UST: variants seen among roughly 807,000 people sequenced by gnomAD.
The protein encoded by UST is uronyl 2-sulfotransferase, also known as chondroitin sulfate 2-O-sulfotransferase.
In UST, 21 loss-of-function variants were observed where a neutral mutation model predicts 45.6. The observed-to-expected ratio is 0.46, with a 90% CI of 0.33 to 0.66. The LOEUF is 0.66. UST is among the 30% of genes least tolerant of loss of function. The probability of loss-of-function intolerance (pLI) is 0.02; values close to 1 mark genes in which losing one functional copy is unlikely to be tolerated. For missense variants in UST, 463 were observed against 512.4 expected (o/e 0.90, Z 0.93); for synonymous variants, 215 against 200.6 (o/e 1.07, Z -0.61).
At chr6:149,023,369 C>A (rs1023006403) in intron 7 of UST, among the ~76,000 whole-genome samples, 2 of 152,078 alleles carry the variant, frequency 1.3e-5, no homozygotes, top group African/African-American at 2.4e-5. Flanking sequence ...CCAAGAGCCA[C>A]GTGTGTGAGC....
At chr6:149,041,149 G>A (rs1416900632) in intron 7 of UST, among the ~76,000 whole-genome samples, 1 of 152,212 alleles carries the variant, frequency 6.6e-6, no homozygotes, top group Non-Finnish European at 1.5e-5. Flanking sequence ...CTTACTGTGG[G>A]CCAGACAGCA....
chr6:148,794,016 G>A (rs1019659056), intron 1 of UST, among the ~76,000 whole-genome samples: 23 of 152,174 alleles, frequency 1.5e-4, no homozygotes, highest in African/African-American at 5.3e-4. Flanking sequence ...GATTTGTATG[G>A]TATGTTTCTG....
At chr6:148,925,417 C>A (rs1007631064) in intron 2 of UST, among the ~76,000 whole-genome samples, 1 of 150,724 alleles carries the variant, frequency 6.6e-6, no homozygotes, top group African/African-American at 2.5e-5. Flanking sequence ...TTGCAACTCA[C>A]AATGACTTTT....
At chr6:148,818,406 A>G (rs1777395173) in intron 1 of UST, among the ~76,000 whole-genome samples, 1 of 152,232 alleles carries the variant, frequency 6.6e-6, no homozygotes, top group South Asian at 2.1e-4. Flanking sequence ...AACCTAGAGA[A>G]GGGGGTAAAA....
At chr6:148,884,952 G>A (rs1054791795) in intron 1 of UST, among the ~76,000 whole-genome samples, 1 of 152,104 alleles carries the variant, frequency 6.6e-6, no homozygotes, top group Non-Finnish European at 1.5e-5. Context: ...GGGATATATT[G>A]TATAACCCAA....
At chr6:148,764,156 A>T (rs913436283) in intron 1 of UST, among the ~76,000 whole-genome samples, 1 of 152,042 alleles carries the variant, frequency 6.6e-6, no homozygotes, top group African/African-American at 2.4e-5. Flanking sequence ...TGTTTGTGTC[A>T]TCTACAGTTT....
intron 1 of UST, among the ~76,000 whole-genome samples, chr6:148,866,033 G>A (rs1156929674): frequency 6.6e-6 from 1 of 151,272 alleles, no homozygotes; most frequent in Non-Finnish European, 1.5e-5. Flanking sequence ...GTGTGTGTAT[G>A]TATATATATA....
At chr6:148,946,175 G>T (rs1376301955) in intron 3 of UST, among the ~76,000 whole-genome samples, 1 of 152,108 alleles carries the variant, frequency 6.6e-6, no homozygotes, top group African/African-American at 2.4e-5. Context: ...AAGTCTACAG[G>T]CTACAGGGAT....
At chr6:148,932,871 T>C (rs1468211792) in intron 2 of UST, among the ~76,000 whole-genome samples, 1 of 152,240 alleles carries the variant, frequency 6.6e-6, no homozygotes, top group Non-Finnish European at 1.5e-5. Flanking sequence ...GCCACTCAGA[T>C]AACCCTGTGG....
At chr6:148,870,460 C>G (rs533132787) in intron 1 of UST, among the ~76,000 whole-genome samples, 4 of 152,318 alleles carry the variant, frequency 2.6e-5, no homozygotes, top group Admixed American at 2.0e-4. Flanking sequence ...ATTTTGGTTT[C>G]AAGTCGTAAA....
intron 5 of UST, among the ~76,000 whole-genome samples, chr6:149,017,465 T>A (rs1775920579): frequency 6.6e-6 from 1 of 152,154 alleles, no homozygotes; most frequent in East Asian, 1.9e-4. Flanking sequence ...TATATTCTCA[T>A]CTTCCTTTAT....
At chr6:148,791,008 G>T (rs552580193) in intron 1 of UST, among the ~76,000 whole-genome samples, 1 of 152,358 alleles carries the variant, frequency 6.6e-6, no homozygotes, top group Non-Finnish European at 1.5e-5. Flanking sequence ...AGTGACCAGG[G>T]TTACAGTTCG....
chr6:148,763,256 G>C (rs1410076827), intron 1 of UST, among the ~76,000 whole-genome samples: 1 of 152,138 alleles, frequency 6.6e-6, no homozygotes, highest in Admixed American at 6.5e-5. Context: ...GATAATTAGT[G>C]ATACTGAGCA....
At chr6:148,973,229 AAAT>A (rs1439177273) in intron 5 of UST, among the ~76,000 whole-genome samples, 1 of 152,250 alleles carries the variant, frequency 6.6e-6, no homozygotes, top group Non-Finnish European at 1.5e-5. Flanking sequence ...AAGTTGAAGT[AAAT>A]AATATTTCTT....
intron 2 of UST, among the ~76,000 whole-genome samples, chr6:148,923,374 G>T (rs914052511): frequency 6.6e-6 from 1 of 152,200 alleles, no homozygotes; most frequent in African/African-American, 2.4e-5. Flanking sequence ...CAAAGTGGAT[G>T]CACCATTTTA....
intron 3 of UST, among the ~76,000 whole-genome samples, chr6:148,950,913 C>G (rs984667331): frequency 6.6e-6 from 1 of 152,188 alleles, no homozygotes; most frequent in Non-Finnish European, 1.5e-5. Context: ...GCAACATTGC[C>G]TGATACAGAG....
At chr6:149,045,469 C>T (rs1276538093) in intron 7 of UST, among the ~76,000 whole-genome samples, 1 of 152,094 alleles carries the variant, frequency 6.6e-6, no homozygotes, top group African/African-American at 2.4e-5. Context: ...TTTTTGAGCC[C>T]AGATGATGTG....
intron 2 of UST, among the ~76,000 whole-genome samples, chr6:148,902,704 C>A (rs1261613038): frequency 1.3e-5 from 2 of 151,964 alleles, no homozygotes; most frequent in African/African-American, 4.8e-5. Context: ...CATTTTTTGT[C>A]ATTCTGAACC....
chr6:148,820,037 G>A (rs1039316826), intron 1 of UST, among the ~76,000 whole-genome samples: 2 of 152,160 alleles, frequency 1.3e-5, no homozygotes, highest in Admixed American at 6.5e-5. Flanking sequence ...TGTTCACATC[G>A]TATTATCTGT....
Sources: allele counts gnomAD v4.1 joint callset (sites outside exome capture counted in the v4.1 genomes callset), GRCh38; gene constraint gnomAD v4.1.1; transcripts MANE v1.5; gene names NCBI Gene and HGNC (gene_info 2026-07-23, HGNC 2026-07-21).